Variants in TMEM106B observed in about 807,000 individuals in gnomAD.
TMEM106B encodes transmembrane protein 106B.
Under a neutral mutation model 31.1 loss-of-function variants are expected in TMEM106B, and 15 were observed. The observed-to-expected ratio is 0.48, with a 90% CI of 0.32 to 0.74. TMEM106B has a LOEUF of 0.74. Ranked by LOEUF, TMEM106B falls within the 30% of genes least tolerant of loss-of-function variation. The probability of loss-of-function intolerance (pLI) is 0.03; values close to 1 mark genes in which losing one functional copy is unlikely to be tolerated. For synonymous variants in TMEM106B, 126 were observed against 112.5 expected (o/e 1.12, Z -0.76); for missense variants, 283 against 327.3 (o/e 0.86, Z 1.04).
Position 12,229,686 on chromosome 7 carries a change from T to A in TMEM106B, c.449T>A (p.Leu150Gln). 6.3e-7 allele frequency: 1 copy of A among 1,588,626 alleles called. No homozygotes were observed. Among genetic ancestry groups the A allele is most frequent in the South Asian group, 1.2e-5 (1 of 86,124 alleles). ...TGTGTCCTTTTTTTGTAGAACACAC[T>A]AAATATAACAAACAATAACTATTAC... ...RTIYLNITNT[L>Q]NITNNNYYSV... Residue 150 changes from leucine to glutamine, a missense_variant, in exon 5 of 8, where the codon CTA becomes CAA. Physicochemically the swap from Leu to Gln is moderately radical, Grantham distance 113. Transcript: ENST00000396668.
chr7:12,224,354 T>A lies in TMEM106B; in HGVS notation c.410T>A (p.Val137Asp). 6.2e-7 allele frequency: 1 copy of A among 1,612,616 alleles called. No homozygotes were observed. The highest frequency in any genetic ancestry group is 1.3e-5 in the African/African-American group (1 of 75,034). The change falls in exon 4 of 8, where the codon GTT becomes GAT. Residue 137 changes from valine (V) to aspartate (D), a missense_variant. Physicochemically the swap from Val to Asp is radical, Grantham distance 152. Around this residue, in one of 3 missense-constraint regions of TMEM106B, gnomAD observed 201 missense variants for 211.5 expected, o/e 0.95. Transcript: ENST00000396668. ...AAATCAGCCTATGTCAGTTATGATG[T>A]TCAGAAGCGTACAATTTATTTAAAT... ...GVKSAYVSYD[V>D]QKRTIYLNIT... is the part of the protein sequence containing the mutation.
At chr7:12,224,486 C>A in intron 4 of TMEM106B, 101 bp downstream of exon 4, 1 of 946,602 alleles carries the variant, frequency 1.1e-6, no homozygotes, top group Non-Finnish European at 1.6e-6. Flanking sequence ...AAATGTGACA[C>A]TGGTCAGTGT....
Position 12,233,752 on chromosome 7 carries a change from TTC to T in TMEM106B, c.*1779_*1780del, listed in dbSNP as rs1782075869. 6.6e-6 allele frequency: 1 copy of T among 151,562 alleles called. No individual in the cohort carries two copies. The highest frequency in any genetic ancestry group is 2.4e-5 in the African/African-American group (1 of 41,366). The allele number at this position is 151,562 out of a possible 1,614,324, so 9.4% of individuals were successfully genotyped here. On this transcript the variant is annotated 3_prime_UTR_variant, in exon 8 of 8. Coordinates refer to ENST00000396668, the MANE Select transcript of TMEM106B (RefSeq NM_001134232.2). ...CTACTGCATACTTCTCTGATACAGGTTCTGTTTGTATTTTTTATATCATTCTC... is the reference window on the plus strand; with the variant it reads ...CTACTGCATACTTCTCTGATACAGGTTGTTTGTATTTTTTATATCATTCTC...
intron 4 of TMEM106B, among the ~76,000 whole-genome samples, chr7:12,225,421 C>G (rs1395590472): frequency 6.6e-6 from 1 of 151,998 alleles, no homozygotes; most frequent in Non-Finnish European, 1.5e-5. Context: ...ATTTCTAGTT[C>G]TAGATCCTTG....
chr7:12,226,822 A>G (rs1781911108), intron 4 of TMEM106B, among the ~76,000 whole-genome samples: 1 of 152,186 alleles, frequency 6.6e-6, no homozygotes, highest in African/African-American at 2.4e-5. Flanking sequence ...CGTTTGTAAC[A>G]CAATGCTAAT....
rs540585635 is a variant in TMEM106B, at chr7:12,241,997, G to C, written c.*10022G>C. The C allele has an allele frequency of 6.6e-6, 1 of 152,064 alleles. No individual in the cohort carries two copies. The highest frequency in any genetic ancestry group is 2.4e-5 in the African/African-American group (1 of 41,392). The allele number at this position is 152,064 out of a possible 1,614,324, so 9.4% of individuals were successfully genotyped here. On this transcript the variant is annotated 3_prime_UTR_variant, in exon 8 of 8. Transcript: ENST00000396668. ...TTGATTTGCATTTCTGTAATGACCC[G>C]TGATGATGAGCTTTTTTTCATGTTT...
chr7:12,212,493 G>GTTT lies in TMEM106B; in HGVS notation c.-3+1078_-3+1080dup, dbSNP rs56761518. Reference sequence around the variant, plus strand: ...GGGCAGTGATTTTTATAAATACATAGTTTTTTTTTTTTGAAAGAGTGAAAA... The same window carrying GTTT: ...GGGCAGTGATTTTTATAAATACATAGTTTTTTTTTTTTTTTGAAAGAGTGAAAA... On this transcript the variant is annotated intron_variant, in intron 1 of 7. Coordinates refer to ENST00000396668, the MANE Select transcript of TMEM106B (RefSeq NM_001134232.2). Among the ~76,000 whole-genome samples, 638 of 148,816 alleles carry GTTT rather than the reference G, an allele frequency of 4.3e-3. 6 individuals carry two copies. Among genetic ancestry groups the GTTT allele is most frequent in the African/African-American group, 0.015 (598 of 40,610 alleles).
chr7:12,228,982 A>G (rs1004292812), intron 4 of TMEM106B, among the ~76,000 whole-genome samples: 5 of 151,762 alleles, frequency 3.3e-5, no homozygotes, highest in African/African-American at 1.2e-4. Context: ...TTCAATTTGT[A>G]AGGGCTCTTT....
At chr7:12,227,745 G>A (rs1781929672) in intron 4 of TMEM106B, among the ~76,000 whole-genome samples, 2 of 133,574 alleles carry the variant, frequency 1.5e-5, no homozygotes, top group South Asian at 5.2e-4. Flanking sequence ...TAACAATTAT[G>A]GTGATCTCTT....
rs375933717 is a variant in TMEM106B at position 12,215,072 on chromosome 7, T to C, written c.217+45T>C. On this transcript the variant is annotated intron_variant, in intron 2 of 7. Transcript: ENST00000396668. Reference sequence around the variant, plus strand: ...TTTCCCTTTAAATGATTTTAGGTATTTGCTCAAGTATTATAAAAACTGTGG... The same window carrying C: ...TTTCCCTTTAAATGATTTTAGGTATCTGCTCAAGTATTATAAAAACTGTGG... 221 of 1,543,290 alleles carry C rather than the reference T, an allele frequency of 1.4e-4. 1 individual carries two copies. In the African/African-American group the frequency reaches 2.6e-3, roughly 18 times the overall value.
In TMEM106B at chr7:12,232,030, T is replaced by C; in HGVS notation, c.*55T>C. On this transcript the variant is annotated 3_prime_UTR_variant, in exon 8 of 8. Transcript: ENST00000396668. ...ATATCTATTGATATTTCCTATACTC[T>C]CAATGAAGAGGTATTTCCTAATAGG... 1.3e-6 allele frequency: 2 copies of C among 1,533,654 alleles called. No homozygotes were observed. The highest frequency in any genetic ancestry group is 1.8e-6 in the Non-Finnish European group (2 of 1,124,342).
intron 5 of TMEM106B, 91 bp from the exon 6 acceptor site, chr7:12,230,298 A>T (rs1209004295): frequency 1.0e-6 from 1 of 954,978 alleles, no homozygotes; most frequent in Non-Finnish European, 1.7e-6. Context: ...AAAAGGAGAA[A>T]AATTTCTAAT....
intron 4 of TMEM106B, 81 bp from the exon 5 acceptor site, chr7:12,229,598 C>G: frequency 8.9e-7 from 1 of 1,124,692 alleles, no homozygotes. Context: ...AGCATAGCTA[C>G]AGCTGAAGTT....
chr7:12,225,757 C>T (rs999386611), intron 4 of TMEM106B, among the ~76,000 whole-genome samples: 13 of 152,036 alleles, frequency 8.6e-5, no homozygotes, highest in African/African-American at 3.1e-4. Flanking sequence ...TGGATATTAG[C>T]CATTTGTCAG....
At chr7:12,219,814 A>C (rs1018961500) in intron 3 of TMEM106B, among the ~76,000 whole-genome samples, 10 of 152,192 alleles carry the variant, frequency 6.6e-5, no homozygotes, top group Non-Finnish European at 1.5e-4. Context: ...ATTTGAGAGA[A>C]AATGTCTAAA....
chr7:12,229,775 C>T lies in TMEM106B; in HGVS notation c.538C>T (p.Arg180Cys), dbSNP rs768078337. 16 of 1,611,966 alleles carry T rather than the reference C, an allele frequency of 9.9e-6. No individual in the cohort carries two copies. The highest frequency in any genetic ancestry group is 1.7e-5 in the Admixed American group (1 of 59,466). Reference sequence around the variant, plus strand: ...TTCAAAAACAGTTATTGGAAAGGCACGCTTAAACAACATAACCATTATTGG... The same window carrying T: ...TTCAAAAACAGTTATTGGAAAGGCATGCTTAAACAACATAACCATTATTGG... The part of the protein sequence containing the change: ...QFSKTVIGKA[R>C]LNNITIIGPL... Residue 180 changes from arginine (R) to cysteine (C), a missense_variant, in exon 5 of 8, where the codon CGC (arginine) becomes TGC (cysteine). This residue lies in a region of TMEM106B where 201 missense variants were observed against 211.5 expected (regional missense o/e 0.95). Coordinates refer to ENST00000396668, the MANE Select transcript of TMEM106B (RefSeq NM_001134232.2).
In TMEM106B at chr7:12,235,162, G is replaced by A. The variant is rs1782106636; in HGVS notation, c.*3187G>A. The stretch of plus-strand genomic sequence containing the variant: ...GAATGAACACTTATAAAATGCTTTG[G>A]AACATAATCTTTAGCTTAATTTTCT... On this transcript the variant is annotated 3_prime_UTR_variant, in exon 8 of 8. Transcript: ENST00000396668. 3 of 152,096 alleles carry A rather than the reference G, an allele frequency of 2.0e-5. No homozygotes were observed. The highest frequency in any genetic ancestry group is 7.3e-5 in the African/African-American group (3 of 41,350). The allele number at this position is 152,096 out of a possible 1,614,324, so 9.4% of individuals were successfully genotyped here.
intron 4 of TMEM106B, 83 bp from the exon 5 acceptor site, chr7:12,229,596 T>C: frequency 8.9e-7 from 1 of 1,119,872 alleles, no homozygotes. Context: ...GAAGCATAGC[T>C]ACAGCTGAAG....
chr7:12,238,133 G>C lies in TMEM106B; in HGVS notation c.*6158G>C, dbSNP rs1782176017. ...ATTGGAGCCAGTCCTCTCAAACCCT[G>C]CCTCTGCTTTATCGACCATGTTTAA... On this transcript the variant is annotated 3_prime_UTR_variant, in exon 8 of 8. Transcript: ENST00000396668. 6.5e-6 allele frequency: 1 copy of C among 152,958 alleles called. No individual in the cohort carries two copies. Among genetic ancestry groups the C allele is most frequent in the African/African-American group, 2.4e-5 (1 of 41,422 alleles). The allele number at this position is 152,958 out of a possible 1,614,324, so 9.5% of individuals were successfully genotyped here. A position where few individuals can be genotyped will look rare whatever the true frequency, so the allele number is the denominator to read the frequency against.
Sources: gnomAD v4.1 joint callset for allele counts (sites outside exome capture counted in the v4.1 genomes callset) on GRCh38, gnomAD v4.1.1 for gene constraint, gnomAD v4.1.1 regional missense constraint, MANE v1.5 for transcripts, NCBI Gene and HGNC (gene_info 2026-07-23, HGNC 2026-07-21) for gene names.